The following RNF150 variants were observed in gnomAD, a reference collection of about 807,000 sequenced individuals.
The protein encoded by RNF150 is ring finger protein 150.
A neutral mutation model predicts 39.3 loss-of-function variants in RNF150; 24 were observed. The ratio of observed to expected loss-of-function variants is 0.61; its 90% CI spans 0.44 to 0.86. The LOEUF (loss-of-function observed/expected upper bound fraction) is 0.86. Among genes scored for constraint, RNF150 ranks in the 40% least tolerant of loss-of-function variants. The probability of loss-of-function intolerance (pLI) is 0.00; values close to 1 mark genes in which losing one functional copy is unlikely to be tolerated. For missense variants in RNF150, 502 were observed against 587.8 expected, an observed-to-expected ratio of 0.85 and a Z score of 1.51; for synonymous variants, 255 against 227.3, an observed-to-expected ratio of 1.12 and a Z score of -1.10.
chr4:141,056,628 G>T (rs760853433), intron 1 of RNF150, among the ~76,000 whole-genome samples: 12 of 151,804 alleles, frequency 7.9e-5, no homozygotes, highest in Non-Finnish European at 1.6e-4. Context: ...TGCAACAGAA[G>T]AAGGAAGAGA....
At chr4:141,165,815 T>G (rs539784661) in intron 1 of RNF150, among the ~76,000 whole-genome samples, 1 of 152,178 alleles carries the variant, frequency 6.6e-6, no homozygotes, top group South Asian at 2.1e-4. Flanking sequence ...ACAGGGAAAT[T>G]TATAGCACTA....
chr4:140,882,637 T>G (rs1037588154), intron 6 of RNF150, among the ~76,000 whole-genome samples: 1 of 152,210 alleles, frequency 6.6e-6, no homozygotes, highest in Non-Finnish European at 1.5e-5. Flanking sequence ...AATTGTTATA[T>G]CTTTCTGAAT....
intron 1 of RNF150, among the ~76,000 whole-genome samples, chr4:140,987,857 G>T (rs887443349): frequency 1.3e-5 from 2 of 151,910 alleles, no homozygotes; most frequent in African/African-American, 4.8e-5. Context: ...CACAAACTAT[G>T]CATCCAACAA....
chr4:140,973,833 C>T (rs1579018218), intron 1 of RNF150, among the ~76,000 whole-genome samples: 1 of 138,038 alleles, frequency 7.2e-6, no homozygotes, highest in African/African-American at 2.7e-5. Context: ...GCCAAGATCA[C>T]ACCACTGCAC....
chr4:141,081,600 A>G (rs1206342924), intron 1 of RNF150, among the ~76,000 whole-genome samples: 1 of 152,240 alleles, frequency 6.6e-6, no homozygotes. Context: ...TACTGGTTAA[A>G]GGAATATAAA....
At chr4:141,065,409 A>G (rs1413399472) in intron 1 of RNF150, among the ~76,000 whole-genome samples, 3 of 152,214 alleles carry the variant, frequency 2.0e-5, no homozygotes, top group Admixed American at 2.0e-4. Context: ...TAAAAAATTT[A>G]TATGAAACTA....
intron 1 of RNF150, among the ~76,000 whole-genome samples, chr4:141,001,818 C>G (rs73860206): frequency 0.075 from 11,423 of 152,022 alleles, 487 homozygotes; most frequent in Middle Eastern, 0.16. Context: ...TGTTTTAAAA[C>G]CATAGTTCAA....
intron 1 of RNF150, among the ~76,000 whole-genome samples, chr4:141,095,714 T>C (rs1738747284): frequency 6.6e-6 from 1 of 152,214 alleles, no homozygotes; most frequent in Non-Finnish European, 1.5e-5. Context: ...ATATATTTTT[T>C]CTTATGGTTG....
At position 141,055,530 on chromosome 4, in the gene RNF150, C is replaced by T. The variant is rs181025193; in HGVS notation, c.484+76795G>A. Reference sequence around the variant, plus strand: ...CAGTTAGAATTGCTCATAACAGACACTCAAATGCTAAAATTGGGTAAAATT... The same window carrying T: ...CAGTTAGAATTGCTCATAACAGACATTCAAATGCTAAAATTGGGTAAAATT... On this transcript the variant is annotated intron_variant, in intron 1 of 6. Coordinates refer to ENST00000515673, the MANE Select transcript of RNF150 (RefSeq NM_020724.2). Among the ~76,000 whole-genome samples, 171 of 152,200 alleles carry T rather than the reference C, an allele frequency of 1.1e-3. 1 individual carries two copies. Among genetic ancestry groups the T allele is most frequent in the African/African-American group, 4.0e-3 (165 of 41,538 alleles).
intron 1 of RNF150, among the ~76,000 whole-genome samples, chr4:141,145,736 T>C (rs1314729239): frequency 2.0e-5 from 3 of 152,216 alleles, no homozygotes; most frequent in Non-Finnish European, 4.4e-5. Flanking sequence ...TTGTATCAAT[T>C]GCCCAGCCCA....
At chr4:140,973,643 G>C (rs1339711425) in intron 1 of RNF150, among the ~76,000 whole-genome samples, 2 of 152,086 alleles carry the variant, frequency 1.3e-5, no homozygotes, top group African/African-American at 2.4e-5. Context: ...TTGGGAGGCT[G>C]AGGTGGGCGG....
At chr4:140,964,838 G>A (rs559213639) in intron 2 of RNF150, among the ~76,000 whole-genome samples, 5 of 152,094 alleles carry the variant, frequency 3.3e-5, no homozygotes, top group Middle Eastern at 6.8e-3. Flanking sequence ...AAAACAAGAT[G>A]GTGCTGGAGT....
In RNF150 at chr4:140,860,283, A is replaced by G. The variant is rs1200460690; in HGVS notation, c.*7978T>C. On this transcript the variant is annotated 3_prime_UTR_variant, in exon 7 of 7. Transcript: ENST00000515673. ...CTACACTGCCTTAACTAATCATCTC[A>G]ATATGCACACAACTTTGTACAGAAG... 1 of 152,190 alleles carries G rather than the reference A, an allele frequency of 6.6e-6. No individual in the cohort carries two copies. Among genetic ancestry groups the G allele is most frequent in the Non-Finnish European group, 1.5e-5 (1 of 68,026 alleles). The allele number at this position is 152,190 out of a possible 1,614,324, so 9.4% of individuals were successfully genotyped here. A position where few individuals can be genotyped will look rare whatever the true frequency, so the allele number is the denominator to read the frequency against.
At chr4:140,922,970 C>G (rs1463789877) in intron 5 of RNF150, among the ~76,000 whole-genome samples, 1 of 150,802 alleles carries the variant, frequency 6.6e-6, no homozygotes, top group Non-Finnish European at 1.5e-5. Flanking sequence ...AAAATTAATT[C>G]AAGATGGATT....
chr4:141,100,481 T>C (rs911220392), intron 1 of RNF150, among the ~76,000 whole-genome samples: 6 of 152,204 alleles, frequency 3.9e-5, no homozygotes, highest in Non-Finnish European at 8.8e-5. Flanking sequence ...AAATAAGTAA[T>C]GCTATCAAGG....
intron 1 of RNF150, among the ~76,000 whole-genome samples, chr4:141,033,331 G>C (rs1282249184): frequency 3.9e-5 from 6 of 152,086 alleles, no homozygotes; most frequent in Non-Finnish European, 5.9e-5. Flanking sequence ...GTTTTATCAG[G>C]AGATTGTACC....
intron 1 of RNF150, among the ~76,000 whole-genome samples, chr4:141,210,615 T>A (rs1319285647): frequency 6.6e-6 from 1 of 152,174 alleles, no homozygotes; most frequent in African/African-American, 2.4e-5. Context: ...AGGGATTTTT[T>A]AAAAACATTG....
chr4:141,155,856 T>C (rs1727386230), intron 1 of RNF150, among the ~76,000 whole-genome samples: 1 of 152,172 alleles, frequency 6.6e-6, no homozygotes, highest in Admixed American at 6.5e-5. Flanking sequence ...TATCAGGCAG[T>C]TGTTTGAAAT....
At chr4:141,001,104 C>T (rs1734652639) in intron 1 of RNF150, among the ~76,000 whole-genome samples, 1 of 152,144 alleles carries the variant, frequency 6.6e-6, no homozygotes, top group Non-Finnish European at 1.5e-5. Context: ...CCAGATATTT[C>T]CCATATCTGT....
Sources: gnomAD v4.1 joint callset for allele counts (sites outside exome capture counted in the v4.1 genomes callset) on GRCh38, gnomAD v4.1.1 for gene constraint, MANE v1.5 for transcripts, NCBI Gene and HGNC (gene_info 2026-07-23, HGNC 2026-07-21) for gene names.